The following BCL7A variants were observed in gnomAD, a reference collection of about 807,000 sequenced individuals.
The protein encoded by BCL7A is BAF chromatin remodeling complex subunit BCL7A.
A neutral mutation model predicts 28.4 loss-of-function variants in BCL7A; 11 were observed. That is an observed-to-expected ratio of 0.39 (90% CI 0.24 to 0.64). The LOEUF is 0.64. Among genes scored for constraint, BCL7A ranks in the 30% least tolerant of loss-of-function variants. BCL7A has a pLI of 0.50. For synonymous variants in BCL7A, 123 were observed against 103.3 expected, an observed-to-expected ratio of 1.19 and a Z score of -1.15; for missense variants, 222 against 274.8, an observed-to-expected ratio of 0.81 and a Z score of 1.36.
At position 122,038,431 on chromosome 12, in the gene BCL7A, C is replaced by CAAAAAAAAAAAAAAAAAAA. The variant is rs56376395; in HGVS notation, c.271+3014_271+3032dup. 1.8e-4 allele frequency among the ~76,000 whole-genome samples: 6 copies of CAAAAAAAAAAAAAAAAAAA among 33,554 alleles called. 1 individual carries two copies. The highest frequency in any genetic ancestry group is 2.2e-3 in the East Asian group (2 of 904). The allele number at this position is 33,554 out of a possible 152,430, so 22.0% of individuals were successfully genotyped here. On this transcript the variant is annotated intron_variant, in intron 3 of 5. Transcript: ENST00000261822. ...TGGGCAAAGGAGCGAGACTCTGCCTCAAAAAAAAAAAAAAAAAAAAAAAAA... is the reference window on the plus strand; with the variant it reads ...TGGGCAAAGGAGCGAGACTCTGCCTCAAAAAAAAAAAAAAAAAAAAAAAAAAAAAAAAAAAAAAAAAAAA...
chr12:122,057,291 C>T (rs568660985), intron 5 of BCL7A, among the ~76,000 whole-genome samples: 6 of 152,204 alleles, frequency 3.9e-5, no homozygotes, highest in South Asian at 2.1e-4. Context: ...CCAGGGTGGC[C>T]GGGGAGGCCA....
At chr12:122,052,467 A>G (rs1884210790) in intron 4 of BCL7A, among the ~76,000 whole-genome samples, 3 of 152,330 alleles carry the variant, frequency 2.0e-5, no homozygotes, top group Admixed American at 6.5e-5. Context: ...CACCCCAGAA[A>G]GAAACCTTGC....
intron 5 of BCL7A, among the ~76,000 whole-genome samples, chr12:122,056,170 A>G (rs554602639): frequency 6.6e-6 from 1 of 152,360 alleles, no homozygotes; most frequent in South Asian, 2.1e-4. Flanking sequence ...GGTTAAAAAC[A>G]GTAGAAACCA....
At chr12:122,050,925 T>C (rs758663473) in intron 4 of BCL7A, among the ~76,000 whole-genome samples, 4 of 152,204 alleles carry the variant, frequency 2.6e-5, no homozygotes, top group Non-Finnish European at 2.9e-5. Flanking sequence ...AGGGTTGCCT[T>C]GTCCACCCTT....
rs538929030 is a variant in BCL7A, at chr12:122,033,058, CT to C, written c.175-2269del. Among the ~76,000 whole-genome samples, 735 of 152,016 alleles carry C rather than the reference CT, an allele frequency of 4.8e-3. 5 individuals carry two copies. The highest frequency in any genetic ancestry group is 0.017 in the African/African-American group (718 of 41,478). The stretch of plus-strand genomic sequence containing the variant: ...CTTTAGAACTCTTGAAAATTTCATC[CT>C]TTTAAATAGGTAAAATATGTTACAA... On this transcript the variant is annotated intron_variant, in intron 2 of 5. Coordinates refer to ENST00000261822, the MANE Select transcript of BCL7A (RefSeq NM_001024808.3).
chr12:122,049,086 A>G (rs1451212720), intron 4 of BCL7A, among the ~76,000 whole-genome samples: 1 of 147,006 alleles, frequency 6.8e-6, no homozygotes, highest in Non-Finnish European at 1.5e-5. Context: ...AAATACATAA[A>G]ACTATAGGCA....
At chr12:122,030,031 G>A (rs1248886201) in intron 1 of BCL7A, among the ~76,000 whole-genome samples, 2 of 152,184 alleles carry the variant, frequency 1.3e-5, no homozygotes, top group African/African-American at 4.8e-5. Flanking sequence ...TTGTAATGCA[G>A]CTGGGGTGAC....
intron 1 of BCL7A, among the ~76,000 whole-genome samples, chr12:122,024,529 CT>C (rs1883571887): frequency 1.3e-5 from 2 of 150,616 alleles, no homozygotes; most frequent in South Asian, 4.2e-4. Context: ...TCTCTGGCCC[CT>C]GAGAAGCCAT....
At chr12:122,046,797 C>T (rs1168951016) in intron 4 of BCL7A, among the ~76,000 whole-genome samples, 1 of 152,140 alleles carries the variant, frequency 6.6e-6, no homozygotes, top group African/African-American at 2.4e-5. Context: ...AGACCCTTCC[C>T]TGTTGTCTCT....
chr12:122,033,300 A>G (rs576485418), intron 2 of BCL7A, among the ~76,000 whole-genome samples: 2 of 151,590 alleles, frequency 1.3e-5, no homozygotes, highest in East Asian at 3.9e-4. Context: ...TGGCTAATTT[A>G]TTTATTATTT....
intron 1 of BCL7A, among the ~76,000 whole-genome samples, chr12:122,024,678 A>C (rs566163017): frequency 6.6e-6 from 1 of 152,292 alleles, no homozygotes; most frequent in African/African-American, 2.4e-5. Flanking sequence ...AACCAGATAA[A>C]AATACAGCAC....
chr12:122,049,391 T>C (rs1435434668), intron 4 of BCL7A, among the ~76,000 whole-genome samples: 1 of 151,900 alleles, frequency 6.6e-6, no homozygotes, highest in East Asian at 1.9e-4. Flanking sequence ...TCTTCAAATA[T>C]GCTGGAGAGG....
intron 3 of BCL7A, among the ~76,000 whole-genome samples, chr12:122,041,362 T>G (rs1309209787): frequency 6.6e-6 from 1 of 152,184 alleles, no homozygotes; most frequent in Non-Finnish European, 1.5e-5. Context: ...TTGGGGTGTC[T>G]CTGTCTCTTT....
chr12:122,038,505 C>T lies in BCL7A; in HGVS notation c.271+3078C>T, dbSNP rs1038545807. Reference sequence around the variant, plus strand: ...TGGTTAATGTGTCAAGAAAGCCCCCCCAACCAGCCATACAATCATAGTTGG... The same window carrying T: ...TGGTTAATGTGTCAAGAAAGCCCCCTCAACCAGCCATACAATCATAGTTGG... On this transcript the variant is annotated intron_variant, in intron 3 of 5. Coordinates refer to ENST00000261822, the MANE Select transcript of BCL7A (RefSeq NM_001024808.3). Among the ~76,000 whole-genome samples the T allele has an allele frequency of 3.3e-5, 5 of 150,088 alleles. No individual in the cohort carries two copies. In the South Asian group the frequency reaches 6.3e-4, roughly 19 times the overall value.
chr12:122,055,132 T>A, intron 5 of BCL7A: 1 of 1,058,666 alleles, frequency 9.4e-7, no homozygotes, highest in Non-Finnish European at 1.3e-6. Flanking sequence ...ATGAGACTTG[T>A]GGCCTCTGCC....
intron 1 of BCL7A, among the ~76,000 whole-genome samples, chr12:122,025,444 G>T (rs1883602893): frequency 6.6e-6 from 1 of 151,934 alleles, no homozygotes; most frequent in East Asian, 1.9e-4. Context: ...CAAACATGGT[G>T]AAACCCCGTC....
rs757475857 is a variant in BCL7A at position 122,029,018 on chromosome 12, CT to C, written c.93-1681del. Among the ~76,000 whole-genome samples the C allele has an allele frequency of 7.9e-5, 12 of 152,132 alleles. No homozygotes were observed. Among genetic ancestry groups the C allele is most frequent in the Non-Finnish European group, 1.6e-4 (11 of 68,018 alleles). ...GACACTCGTCTTTCCTGCATCGTTT[CT>C]GGGTGAAAAGGTGCAAGGAGGAGGG... is the stretch of plus-strand genomic sequence containing the variant. On this transcript the variant is annotated intron_variant, in intron 1 of 5. Transcript: ENST00000261822. The surrounding 1 kb of genome is among the most constrained non-coding windows in gnomAD (Gnocchi z 4.3).
intron 4 of BCL7A, among the ~76,000 whole-genome samples, chr12:122,052,166 C>T (rs1172533539): frequency 5.3e-5 from 8 of 151,782 alleles, no homozygotes; most frequent in Non-Finnish European, 8.8e-5. Context: ...TGAGCCACCA[C>T]GCCTGGCCTG....
chr12:122,054,842 A>G lies in BCL7A; in HGVS notation c.477A>G (p.Glu159=). 6.2e-7 allele frequency: 1 copy of G among 1,614,236 alleles called. No homozygotes were observed. Among genetic ancestry groups the G allele is most frequent in the East Asian group, 2.2e-5 (1 of 44,892 alleles). Residue 159 remains glutamate, a synonymous_variant, in exon 5 of 6, where the codon GAA becomes GAG. Transcript: ENST00000261822. ...AGCAGAATTCACAGTCCTCGATGGA[A>G]CATTCGATGAACAGCTCAGAGAAAG... ...SDEQNSQSSM[E]HSMNSSEKVD... is the part of the protein sequence containing the mutation.
Sources: allele counts gnomAD v4.1 joint callset (sites outside exome capture counted in the v4.1 genomes callset), GRCh38; gene constraint gnomAD v4.1.1; non-coding constraint Gnocchi (gnomAD v3.1); transcripts MANE v1.5; gene names NCBI Gene and HGNC (gene_info 2026-07-23, HGNC 2026-07-21).